Variants in ANKRD26 observed in about 807,000 individuals in gnomAD.
ANKRD26 encodes the protein ankyrin repeat domain 26.
A neutral mutation model predicts 208.7 loss-of-function variants in ANKRD26; 141 were observed. That is an observed-to-expected ratio of 0.68 (90% CI 0.59 to 0.78). The LOEUF (loss-of-function observed/expected upper bound fraction) is 0.78. Among genes scored for constraint, ANKRD26 ranks in the 30% least tolerant of loss-of-function variants. The pLI is 0.00. For missense variants in ANKRD26, 1,889 were observed against 1,938.7 expected, an observed-to-expected ratio of 0.97 and a Z score of 0.48; for synonymous variants, 636 against 660.4, an observed-to-expected ratio of 0.96 and a Z score of 0.57.
downstream of ANKRD26, among the ~76,000 whole-genome samples, chr10:26,971,717 C>T (rs112228396): frequency 0.01 from 1,475 of 147,104 alleles, 32 homozygotes; most frequent in African/African-American, 0.036. Context: ...ATTTCATTAA[C>T]AGGATTTTAA....
intron 4 of ANKRD26, among the ~76,000 whole-genome samples, chr10:26,998,188 T>C (rs991121779): frequency 1.3e-5 from 2 of 152,250 alleles, no homozygotes; most frequent in Admixed American, 6.5e-5. Context: ...CATTTAATAA[T>C]GTATCATTTT....
At chr10:26,967,889 A>G in the ANKRD26 span, among the ~76,000 whole-genome samples, 1 of 152,158 alleles carries the variant, frequency 6.6e-6, no homozygotes, top group Non-Finnish European at 1.5e-5. Flanking sequence ...ACTTCTGGAC[A>G]GCATCCTCTC....
At chr10:27,057,762 C>A (rs1259226583) in intron 15 of ANKRD26, among the ~76,000 whole-genome samples, 2 of 151,942 alleles carry the variant, frequency 1.3e-5, no homozygotes, top group African/African-American at 4.8e-5. Flanking sequence ...CATGGTGAAA[C>A]CCCATCTCTA....
At chr10:27,020,441 G>A (rs745817847) in intron 29 of ANKRD26, among the ~76,000 whole-genome samples, 8 of 151,786 alleles carry the variant, frequency 5.3e-5, no homozygotes, top group South Asian at 2.1e-4. Flanking sequence ...TCCCTTCCCC[G>A]CCCCTTTGCC....
intron 15 of ANKRD26, among the ~76,000 whole-genome samples, chr10:27,054,983 G>A (rs1194468524): frequency 6.6e-6 from 1 of 152,126 alleles, no homozygotes; most frequent in Non-Finnish European, 1.5e-5. Flanking sequence ...AATTTCAGGG[G>A]CATATGAATA....
chr10:27,014,456 G>C (rs1589216054), intron 31 of ANKRD26, 38 bp downstream of exon 31: 1 of 1,418,508 alleles, frequency 7.0e-7, no homozygotes, highest in Non-Finnish European at 9.8e-7. Context: ...AAATTAATGA[G>C]CTTAATTTAT....
chr10:27,077,566 A>C (rs746926607), intron 8 of ANKRD26, 26 bp from the exon 9 acceptor site: 1 of 1,611,554 alleles, frequency 6.2e-7, no homozygotes, highest in Non-Finnish European at 8.5e-7. Flanking sequence ...AATAAAGAGT[A>C]AATGAAAATA....
chr10:27,021,718 G>A (rs1322846368), intron 29 of ANKRD26, among the ~76,000 whole-genome samples: 3 of 151,958 alleles, frequency 2.0e-5, no homozygotes, highest in African/African-American at 7.2e-5. Flanking sequence ...TTATTTTTTT[G>A]ACTTTTTAAT....
At chr10:26,972,189 C>A (rs962021905), downstream of ANKRD26, among the ~76,000 whole-genome samples, 6 of 148,624 alleles carry the variant, frequency 4.0e-5, no homozygotes, top group South Asian at 2.1e-4. Context: ...GAGCCGAGAT[C>A]GTGCCACTGC....
chr10:26,976,177 T>G (rs947417905), intron 5 of ANKRD26, among the ~76,000 whole-genome samples: 11 of 152,062 alleles, frequency 7.2e-5, no homozygotes, highest in African/African-American at 2.7e-4. Flanking sequence ...TTCCTCATCT[T>G]GCATTCTTTG....
chr10:27,037,647 G>C lies in ANKRD26; in HGVS notation c.2559+224C>G, dbSNP rs115313356. Among the ~76,000 whole-genome samples the C allele has an allele frequency of 6.7e-3, 1,026 of 152,192 alleles. 11 individuals carry two copies. The highest frequency in any genetic ancestry group is 0.023 in the African/African-American group (971 of 41,514). On this transcript the variant is annotated intron_variant, in intron 22 of 33. Coordinates refer to ENST00000376087, the MANE Select transcript of ANKRD26 (RefSeq NM_014915.3). ...TGCCTAAATTAACATTTATGTTAGTGATTAAACTCAACTTACCCTCCATTC... is the reference window on the plus strand; with the variant it reads ...TGCCTAAATTAACATTTATGTTAGTCATTAAACTCAACTTACCCTCCATTC...
At position 27,092,511 on chromosome 10, in the gene ANKRD26, T is replaced by C. The variant is rs1688194075; in HGVS notation, c.533A>G (p.Asp178Gly). ...TGCAAGTAAAAGTGGTGTGAGGTCA[T>C]CCTGTAAGACAGCAAAAACAAGTTA... ...YDANIEAKNK[D>G]DLTPLLLAVS... is the part of the protein sequence containing the mutation. The change falls in exon 4 of 34, where the codon GAT becomes GGT. Residue 178 changes from aspartate (D) to glycine (G), a missense_variant and splice_region_variant. This residue lies in a region of ANKRD26 where 1,272 missense variants were observed against 1,273.8 expected (regional missense o/e 1.00). Coordinates refer to ENST00000376087, the MANE Select transcript of ANKRD26 (RefSeq NM_014915.3). 6.2e-7 allele frequency: 1 copy of C among 1,611,332 alleles called. No individual in the cohort carries two copies. Among genetic ancestry groups the C allele is most frequent in the African/African-American group, 1.3e-5 (1 of 74,988 alleles).
At chr10:27,072,472 C>T (rs1029001008) in intron 9 of ANKRD26, among the ~76,000 whole-genome samples, 6 of 152,180 alleles carry the variant, frequency 3.9e-5, no homozygotes, top group Non-Finnish European at 8.8e-5. Flanking sequence ...CTCACCCAGC[C>T]CCCACCCGGC....
chr10:27,045,423 TAAAA>T (rs74940609), intron 18 of ANKRD26, among the ~76,000 whole-genome samples: 1 of 127,600 alleles, frequency 7.8e-6, no homozygotes, highest in South Asian at 2.5e-4. Flanking sequence ...GACTCTGACT[TAAAA>T]AAAAAAAAAA....
At position 27,035,151 on chromosome 10, in the gene ANKRD26, T is replaced by C. The variant is rs772580723; in HGVS notation, c.3299A>G (p.Asp1100Gly). The C allele has an allele frequency of 1.9e-6, 3 of 1,613,950 alleles. No homozygotes were observed. The highest frequency in any genetic ancestry group is 2.5e-6 in the Non-Finnish European group (3 of 1,179,920). ...KTLGLERVQK[D>G]LSQTQCQMKE... ...CATTTGACACTGTGTTTGGCTTAGGTCCTTTTGTACCCGTTCTAAACCCAA... is the reference window on the plus strand; with the variant it reads ...CATTTGACACTGTGTTTGGCTTAGGCCCTTTTGTACCCGTTCTAAACCCAA... The change falls in exon 24 of 34, where the codon GAC becomes GGC. Residue 1100 changes from aspartate to glycine, a missense_variant. Physicochemically the swap from Asp to Gly is moderately conservative, Grantham distance 94. This residue lies in a region of ANKRD26 where 1,272 missense variants were observed against 1,273.8 expected (regional missense o/e 1.00). Transcript: ENST00000376087.
At chr10:26,994,088 C>T (rs1277946350) in intron 5 of ANKRD26, among the ~76,000 whole-genome samples, 1 of 152,166 alleles carries the variant, frequency 6.6e-6, no homozygotes, top group African/African-American at 2.4e-5. Flanking sequence ...TAAATATAGG[C>T]ATTCTTTTGT....
At position 27,100,213 on chromosome 10, in the gene ANKRD26, G is replaced by C. The variant is rs200724579; in HGVS notation, c.114C>G (p.Pro38=). 5.0e-6 allele frequency: 8 copies of C among 1,613,266 alleles called. No homozygotes were observed. Among genetic ancestry groups the C allele is most frequent in the East Asian group, 2.2e-5 (1 of 44,890 alleles). Residue 38 remains proline, a synonymous_variant, in exon 1 of 34, where the codon CCC becomes CCG. Transcript: ENST00000376087. ...GEPGEGAYSQ[P]GYHVRDRDLG... The stretch of plus-strand genomic sequence containing the variant: ...GATCTCGGTCTCGGACGTGGTAGCC[G>C]GGCTGCGAGTAGGCGCCCTCCCCCG...
At chr10:27,088,832 A>T (rs1047065608) in intron 4 of ANKRD26, among the ~76,000 whole-genome samples, 1 of 152,210 alleles carries the variant, frequency 6.6e-6, no homozygotes, top group Non-Finnish European at 1.5e-5. Flanking sequence ...GCTAGAGAAA[A>T]GACAAACAAA....
intron 22 of ANKRD26, 104 bp downstream of exon 22, chr10:27,037,767 C>A: frequency 1.1e-6 from 1 of 943,478 alleles, no homozygotes; most frequent in Non-Finnish European, 1.6e-6. Context: ...CTTGAGATAA[C>A]AGTTTTGTTT....
Sources: allele counts gnomAD v4.1 joint callset (sites outside exome capture counted in the v4.1 genomes callset), GRCh38; gene constraint gnomAD v4.1.1; regional missense constraint gnomAD v4.1.1; transcripts MANE v1.5; gene names NCBI Gene and HGNC (gene_info 2026-07-23, HGNC 2026-07-21).